The following DCLRE1C variants were observed in gnomAD, a reference collection of about 807,000 sequenced individuals.
The protein encoded by DCLRE1C is protein artemis.
A neutral mutation model predicts 61.4 loss-of-function variants in DCLRE1C; 47 were observed. That is an observed-to-expected ratio of 0.77 (90% CI 0.61 to 0.98). The LOEUF (loss-of-function observed/expected upper bound fraction) is 0.98, where lower values mean the gene tolerates loss of function less well. DCLRE1C is among the 50% of genes least tolerant of loss of function. DCLRE1C has a pLI of 0.00. For synonymous variants in DCLRE1C, 337 were observed against 287.6 expected (o/e 1.17, Z -1.74); for missense variants, 858 against 816.0 (o/e 1.05, Z -0.63).
chr10:14,945,563 T>A, intron 2 of DCLRE1C: 1 of 1,061,102 alleles, frequency 9.4e-7, no homozygotes, highest in African/African-American at 1.7e-5. Context: ...TGATCAGGTG[T>A]GTCTGGAAAG....
intron 13 of DCLRE1C, among the ~76,000 whole-genome samples, chr10:14,919,270 A>G: frequency 6.6e-6 from 1 of 152,204 alleles, no homozygotes; most frequent in Non-Finnish European, 1.5e-5. Flanking sequence ...TAGCAATGAA[A>G]GAAGGTACAA....
In DCLRE1C at chr10:14,934,659, C is replaced by T. The variant is rs371005255; in HGVS notation, c.537+44G>A. 83 of 1,611,036 alleles carry T rather than the reference C, an allele frequency of 5.2e-5. 1 individual carries two copies. Among genetic ancestry groups the T allele is most frequent in the African/African-American group, 6.7e-5 (5 of 74,808 alleles). On this transcript the variant is annotated intron_variant, in intron 7 of 13. Coordinates refer to ENST00000378278, the MANE Select transcript of DCLRE1C (RefSeq NM_001033855.3). ...CCCTACAAACTTCCTACTAAAAACACGGGCACACCCAGATGATAACCCTGT... is the reference window on the plus strand; with the variant it reads ...CCCTACAAACTTCCTACTAAAAACATGGGCACACCCAGATGATAACCCTGT...
chr10:14,919,097 A>G (rs1000760383), intron 13 of DCLRE1C, among the ~76,000 whole-genome samples: 2 of 152,116 alleles, frequency 1.3e-5, no homozygotes, highest in Non-Finnish European at 2.9e-5. Flanking sequence ...TTGGTCAAGT[A>G]TTTACTGCAT....
At chr10:14,945,036 T>G in intron 3 of DCLRE1C, 69 bp downstream of exon 3, 3 of 1,232,118 alleles carry the variant, frequency 2.4e-6, no homozygotes, top group Non-Finnish European at 3.5e-6. Context: ...AGGCAAAGTT[T>G]TTGTCAATCT....
intron 3 of DCLRE1C, among the ~76,000 whole-genome samples, chr10:14,941,636 TA>T (rs1297910243): frequency 6.6e-6 from 1 of 152,228 alleles, no homozygotes. Flanking sequence ...ATTTCCTTTT[TA>T]ACCAAAGGGT....
intron 11 of DCLRE1C, among the ~76,000 whole-genome samples, chr10:14,925,721 G>A (rs886655010): frequency 2.0e-5 from 3 of 152,116 alleles, no homozygotes; most frequent in Non-Finnish European, 2.9e-5. Context: ...AGGAACACTC[G>A]ATAGGACTTC....
intron 13 of DCLRE1C, among the ~76,000 whole-genome samples, chr10:14,917,856 T>C (rs907682230): frequency 3.9e-5 from 6 of 152,054 alleles, no homozygotes; most frequent in African/African-American, 1.2e-4. Flanking sequence ...AGTAAAGATT[T>C]GAATAGACAC....
At chr10:14,928,464 C>T (rs1838397882) in intron 9 of DCLRE1C, among the ~76,000 whole-genome samples, 1 of 152,134 alleles carries the variant, frequency 6.6e-6, no homozygotes, top group African/African-American at 2.4e-5. Context: ...TCAAATAAAT[C>T]CTGGATGCCC....
chr10:14,940,434 G>A (rs1436345785), intron 3 of DCLRE1C, among the ~76,000 whole-genome samples: 7 of 151,858 alleles, frequency 4.6e-5, no homozygotes, highest in Admixed American at 3.3e-4. Flanking sequence ...GATGACAGGC[G>A]CCCGCTACTA....
chr10:14,919,978 C>T lies in DCLRE1C; in HGVS notation c.1062-146G>A, dbSNP rs1046280385. The T allele has an allele frequency of 7.2e-6, 5 of 698,704 alleles. No homozygotes were observed. The African/African-American group carries it at 8.9e-5, about 12-fold the overall frequency. The allele number at this position is 698,704 out of a possible 1,614,324, so 43.3% of individuals were successfully genotyped here. A position where few individuals can be genotyped will look rare whatever the true frequency, so the allele number is the denominator to read the frequency against. On this transcript the variant is annotated intron_variant, in intron 12 of 13. Coordinates refer to ENST00000378278, the MANE Select transcript of DCLRE1C (RefSeq NM_001033855.3). The stretch of plus-strand genomic sequence containing the variant: ...ACAAAATCTTGACCATAAGGGAAAT[C>T]ACACAACTACTTTGGAGGATTGAAA...
At chr10:14,909,791 G>A (rs1450939748) in intron 13 of DCLRE1C, among the ~76,000 whole-genome samples, 1 of 130,086 alleles carries the variant, frequency 7.7e-6, no homozygotes, top group East Asian at 2.5e-4. Flanking sequence ...AAATTAAATT[G>A]CTTTTTATTA....
chr10:14,928,169 G>A lies in DCLRE1C; in HGVS notation c.781-17C>T, dbSNP rs41298886. On this transcript the variant is annotated splice_polypyrimidine_tract_variant and intron_variant, in intron 9 of 13. Transcript: ENST00000378278. ...TTCCTCTGCCTAAAAAAGATAAAAA[G>A]CATAGAAAAACAGTTCTACATTTTC... is the stretch of plus-strand genomic sequence containing the variant. The A allele has an allele frequency of 6.2e-7, 1 of 1,610,732 alleles. No homozygotes were observed. Among genetic ancestry groups the A allele is most frequent in the Non-Finnish European group, 8.5e-7 (1 of 1,177,838 alleles).
At chr10:14,946,109 A>G (rs1349968956) in intron 2 of DCLRE1C, among the ~76,000 whole-genome samples, 1 of 151,662 alleles carries the variant, frequency 6.6e-6, no homozygotes, top group Non-Finnish European at 1.5e-5. Context: ...CCCGGGTTCA[A>G]GCGATTCTCC....
intron 4 of DCLRE1C, among the ~76,000 whole-genome samples, chr10:14,937,332 C>A (rs1323088926): frequency 7.1e-6 from 1 of 140,016 alleles, no homozygotes; most frequent in Non-Finnish European, 1.5e-5. Flanking sequence ...GTCACCCAGG[C>A]TGGAGTGCGA....
chr10:14,919,420 G>A (rs2130737531), intron 13 of DCLRE1C, among the ~76,000 whole-genome samples: 1 of 151,964 alleles, frequency 6.6e-6, no homozygotes, highest in South Asian at 2.1e-4. Context: ...TATGTCCTAA[G>A]AAAATGTTCA....
intron 2 of DCLRE1C, among the ~76,000 whole-genome samples, chr10:14,947,348 ACT>A (rs1342943724): frequency 1.5e-4 from 23 of 151,840 alleles, no homozygotes; most frequent in African/African-American, 4.8e-4. Flanking sequence ...ACATCTGAAG[ACT>A]CTGCTCACTG....
At chr10:14,898,897 A>G (rs1376646021) in exon 14 of DCLRE1C, 1 of 279,604 alleles carries the variant, frequency 3.6e-6, no homozygotes, top group African/African-American at 2.2e-5. Context: ...CCTGGATCAT[A>G]TTTAGAGCAT....
chr10:14,935,613 C>T, intron 5 of DCLRE1C, 49 bp from the exon 6 acceptor site: 1 of 1,539,200 alleles, frequency 6.5e-7, no homozygotes, highest in Non-Finnish European at 9.0e-7. Context: ...TATAAACTCC[C>T]AATAAAGCAA....
At chr10:14,930,172 T>G (rs993849631) in intron 9 of DCLRE1C, among the ~76,000 whole-genome samples, 1 of 151,416 alleles carries the variant, frequency 6.6e-6, no homozygotes, top group African/African-American at 2.4e-5. Context: ...AGTGCAGTGG[T>G]ACAATCTTGG....
Sources: allele counts gnomAD v4.1 joint callset (sites outside exome capture counted in the v4.1 genomes callset), GRCh38; gene constraint gnomAD v4.1.1; transcripts MANE v1.5; gene names NCBI Gene and HGNC (gene_info 2026-07-23, HGNC 2026-07-21).